The following HDAC11 variants were observed in gnomAD, a reference collection of about 807,000 sequenced individuals.
HDAC11 encodes the protein histone deacetylase 11.
Under a neutral mutation model 41.1 loss-of-function variants are expected in HDAC11, and 23 were observed. The observed-to-expected ratio is 0.56, with a 90% CI of 0.40 to 0.79. The LOEUF (loss-of-function observed/expected upper bound fraction) is 0.79. HDAC11 is among the 30% of genes least tolerant of loss of function. The pLI, the probability that HDAC11 is intolerant of heterozygous loss-of-function variation, is 0.00. For missense variants in HDAC11, 402 were observed against 477.3 expected (o/e 0.84, Z 1.47); for synonymous variants, 187 against 186.6 (o/e 1.00, Z -0.02).
chr3:13,504,959 CTG>C lies in HDAC11; in HGVS notation c.*277_*278del. 1.9e-6 allele frequency: 1 copy of C among 534,060 alleles called. No individual in the cohort carries two copies. Among genetic ancestry groups the C allele is most frequent in the East Asian group, 3.3e-5 (1 of 30,416 alleles). 33.1% of individuals were successfully genotyped at this position (534,060 alleles called of 1,614,324 possible). ...TAGGTCCAGGGAGGCAGGCAGTTAA[CTG>C]AGAATTGGAGAGGACAGGCTAGGTC... On this transcript the variant is annotated 3_prime_UTR_variant, in exon 10 of 10. Coordinates refer to ENST00000295757, the MANE Select transcript of HDAC11 (RefSeq NM_024827.4).
At chr3:13,495,048 C>T (rs1043157342) in intron 3 of HDAC11, among the ~76,000 whole-genome samples, 2 of 152,176 alleles carry the variant, frequency 1.3e-5, no homozygotes, top group Admixed American at 6.5e-5. Flanking sequence ...AACTCCTCCT[C>T]CTGGTTGGTG....
intron 3 of HDAC11, among the ~76,000 whole-genome samples, chr3:13,488,026 C>T (rs2125002323): frequency 6.6e-6 from 1 of 151,192 alleles, no homozygotes; most frequent in African/African-American, 2.4e-5. Context: ...GTGATGTGGT[C>T]ATCTGGGGAA....
chr3:13,502,146 C>T lies in HDAC11; in HGVS notation c.552+213C>T. The T allele has an allele frequency of 3.5e-6, 2 of 565,804 alleles. No individual in the cohort carries two copies. The highest frequency in any genetic ancestry group is 6.3e-6 in the Non-Finnish European group (2 of 317,436). The allele number at this position is 565,804 out of a possible 1,614,324, so 35.0% of individuals were successfully genotyped here. On this transcript the variant is annotated intron_variant, in intron 7 of 9. Coordinates refer to ENST00000295757, the MANE Select transcript of HDAC11 (RefSeq NM_024827.4). This position sits in a 1 kb window ranked among gnomAD's most constrained non-coding sequence, Gnocchi z 4.1. ...CTCCCGAGGGTCCTCCCTCCCTCCT[C>T]CTGACTGCCCCCACATGAGGCTCTT... is the stretch of plus-strand genomic sequence containing the variant.
At position 13,499,992 on chromosome 3, in the gene HDAC11, G is replaced by A. The variant is rs145242305; in HGVS notation, c.413-721G>A. On this transcript the variant is annotated intron_variant, in intron 5 of 9. Transcript: ENST00000295757. ...GATGGTGATGCTAATGCCCCTCCTCGGGCTGGAGGGAGTCTTCAGCAAGCT... is the reference window on the plus strand; with the variant it reads ...GATGGTGATGCTAATGCCCCTCCTCAGGCTGGAGGGAGTCTTCAGCAAGCT... Among the ~76,000 whole-genome samples the A allele has an allele frequency of 7.6e-4, 116 of 152,218 alleles. 1 individual carries two copies. Among genetic ancestry groups the A allele is most frequent in the African/African-American group, 2.6e-3 (107 of 41,520 alleles).
intron 6 of HDAC11, 28 bp from the exon 7 acceptor site, chr3:13,501,843 C>G: frequency 1.2e-6 from 2 of 1,610,918 alleles, no homozygotes; most frequent in East Asian, 4.5e-5. Flanking sequence ...GCCCCAGATC[C>G]TCATGTCTAC....
At chr3:13,495,062 G>A (rs73041275) in intron 3 of HDAC11, among the ~76,000 whole-genome samples, 3,760 of 152,030 alleles carry the variant, frequency 0.025, 57 homozygotes, top group African/African-American at 0.04. Flanking sequence ...GTTGGTGAAC[G>A]CAATGGCCAC....
chr3:13,480,895 C>T lies in HDAC11; in HGVS notation c.3-351C>T. 2.5e-6 allele frequency: 1 copy of T among 402,406 alleles called. No individual in the cohort carries two copies. The allele number at this position is 402,406 out of a possible 1,614,324, so 24.9% of individuals were successfully genotyped here. On this transcript the variant is annotated intron_variant, in intron 1 of 9. Transcript: ENST00000295757. The surrounding 1 kb of genome is among the most constrained non-coding windows in gnomAD (Gnocchi z 4.6). The stretch of plus-strand genomic sequence containing the variant: ...GCCTTGTGCCACACAGCTGTGGGGG[C>T]ATTTATTACGGTGCAGAGGTGATGC...
chr3:13,484,051 G>GT (rs1701446395), intron 3 of HDAC11, among the ~76,000 whole-genome samples: 2 of 152,106 alleles, frequency 1.3e-5, no homozygotes, highest in Non-Finnish European at 2.9e-5. Flanking sequence ...TCCGCCTTCC[G>GT]GGTTCAAGCA....
rs1336194347 is a variant in HDAC11, at chr3:13,504,742, T to G, written c.*59T>G. On this transcript the variant is annotated 3_prime_UTR_variant, in exon 10 of 10. Coordinates refer to ENST00000295757, the MANE Select transcript of HDAC11 (RefSeq NM_024827.4). ...TATCCGCCCCTTAGTGCTTTTTGTT[T>G]TCTAACCTCATGGGGTGGTGGAGGC... 2 of 1,470,278 alleles carry G rather than the reference T, an allele frequency of 1.4e-6. No homozygotes were observed. Among genetic ancestry groups the G allele is most frequent in the Admixed American group, 3.4e-5 (2 of 58,500 alleles). The allele number at this position is 1,470,278 out of a possible 1,614,324, so 91.1% of individuals were successfully genotyped here.
chr3:13,495,398 C>T (rs934712435), intron 3 of HDAC11, among the ~76,000 whole-genome samples: 2 of 152,110 alleles, frequency 1.3e-5, no homozygotes, highest in East Asian at 3.9e-4. Context: ...GAACCTAGTG[C>T]CGCCTCTGTA....
chr3:13,499,232 C>T (rs918495382), intron 5 of HDAC11, among the ~76,000 whole-genome samples: 4 of 152,174 alleles, frequency 2.6e-5, no homozygotes, highest in East Asian at 1.9e-4. Flanking sequence ...TGCAATGGCG[C>T]GATCTCGGCT....
chr3:13,497,316 C>G (rs921552232), intron 4 of HDAC11, among the ~76,000 whole-genome samples: 1 of 151,904 alleles, frequency 6.6e-6, no homozygotes, highest in Non-Finnish European at 1.5e-5. Flanking sequence ...GTAGCTGGGA[C>G]TACAGGTGTT....
chr3:13,487,112 G>C (rs554684606), intron 3 of HDAC11, among the ~76,000 whole-genome samples: 34 of 152,274 alleles, frequency 2.2e-4, no homozygotes, highest in African/African-American at 7.0e-4. Flanking sequence ...TCACGAGGGG[G>C]TTTTCAGCAG....
chr3:13,496,609 C>T, intron 3 of HDAC11, 127 bp from the exon 4 acceptor site: 1 of 634,678 alleles, frequency 1.6e-6, no homozygotes, highest in East Asian at 3.0e-5. Flanking sequence ...AGGAAGTGTG[C>T]TTGACCAGGG....
chr3:13,499,421 C>T (rs1413931565), intron 5 of HDAC11, among the ~76,000 whole-genome samples: 5 of 152,140 alleles, frequency 3.3e-5, no homozygotes, highest in African/African-American at 1.2e-4. Flanking sequence ...ACGCCCACCT[C>T]GCTCGGCCTC....
At position 13,504,876 on chromosome 3, in the gene HDAC11, G is replaced by A; in HGVS notation, c.*193G>A. ...CCAGAAGGGCTTGAGGCCTCTATGG[G>A]TGGGGGCAGAAGGCAGAGCCTGTGT... On this transcript the variant is annotated 3_prime_UTR_variant, in exon 10 of 10. Coordinates refer to ENST00000295757, the MANE Select transcript of HDAC11 (RefSeq NM_024827.4). 1 of 615,232 alleles carries A rather than the reference G, an allele frequency of 1.6e-6. No individual in the cohort carries two copies. The highest frequency in any genetic ancestry group is 2.8e-5 in the East Asian group (1 of 36,332). The allele number at this position is 615,232 out of a possible 1,614,324, so 38.1% of individuals were successfully genotyped here.
chr3:13,496,626 T>A, intron 3 of HDAC11, 110 bp from the exon 4 acceptor site: 1 of 683,690 alleles, frequency 1.5e-6, no homozygotes, highest in Non-Finnish European at 2.6e-6. Context: ...AGGGAGTTCA[T>A]CCAAGGGCAC....
intron 3 of HDAC11, 38 bp from the exon 4 acceptor site, chr3:13,496,698 G>A (rs759260746): frequency 1.4e-6 from 2 of 1,397,802 alleles, no homozygotes; most frequent in Admixed American, 3.7e-5. Context: ...CCTCAGGGTG[G>A]GGAAGCGGAG....
intron 6 of HDAC11, 111 bp from the exon 7 acceptor site, chr3:13,501,760 C>T: frequency 3.2e-6 from 3 of 935,052 alleles, no homozygotes; most frequent in Admixed American, 3.5e-5. Context: ...CCTGATTACC[C>T]ACAAGCATTA....
Sources: allele counts gnomAD v4.1 joint callset (sites outside exome capture counted in the v4.1 genomes callset), GRCh38; gene constraint gnomAD v4.1.1; non-coding constraint Gnocchi (gnomAD v3.1); transcripts MANE v1.5; gene names NCBI Gene and HGNC (gene_info 2026-07-23, HGNC 2026-07-21).